RCC2: variants seen among roughly 807,000 people sequenced by gnomAD.
The protein encoded by RCC2 is regulator of chromosome condensation 2.
Under a neutral mutation model 64.1 loss-of-function variants are expected in RCC2, and 19 were observed. That is an observed-to-expected ratio of 0.30 (90% CI 0.21 to 0.44). The LOEUF (loss-of-function observed/expected upper bound fraction) is 0.44, where lower values mean the gene tolerates loss of function less well. Ranked by LOEUF, RCC2 falls within the 20% of genes least tolerant of loss-of-function variation. RCC2 has a pLI of 1.00. For missense variants in RCC2, 508 were observed against 710.4 expected (o/e 0.72, Z 3.24); for synonymous variants, 325 against 279.6 (o/e 1.16, Z -1.62).
At chr1:17,437,934 C>T (rs1054780556) in intron 2 of RCC2, among the ~76,000 whole-genome samples, 37 of 145,406 alleles carry the variant, frequency 2.5e-4, no homozygotes, top group African/African-American at 8.9e-4. Flanking sequence ...GGGGCCATGA[C>T]CCCCTCGTGC....
rs1216919580 is a variant in RCC2, at chr1:17,438,341, C to T, written c.174G>A (p.Glu58=). The T allele has an allele frequency of 1.6e-6, 2 of 1,246,090 alleles. No homozygotes were observed. The allele number at this position is 1,246,090 out of a possible 1,614,324, so 77.2% of individuals were successfully genotyped here. ...TGCCCCCGCCGGGGGCCCCGTCGAG[C>T]TCCAGGCCGTCCTCGTCGCCGCTGC... is the stretch of plus-strand genomic sequence containing the variant. ...GGSSGDEDGL[E]LDGAPGGGKR... Residue 58 remains glutamate, a synonymous_variant, in exon 2 of 13, where the codon GAG becomes GAA. Transcript: ENST00000375436.
Position 17,438,242 on chromosome 1 carries a change from G to GGT in RCC2, c.271_272dup (p.Lys92ProfsTer17). The GGT allele has an allele frequency of 7.6e-7, 1 of 1,322,422 alleles. No individual in the cohort carries two copies. Among genetic ancestry groups the GGT allele is most frequent in the Non-Finnish European group, 9.8e-7 (1 of 1,017,546 alleles). The allele number at this position is 1,322,422 out of a possible 1,614,324, so 81.9% of individuals were successfully genotyped here. A position where few individuals can be genotyped will look rare whatever the true frequency, so the allele number is the denominator to read the frequency against. ...GACCCTCACTCACGACGCGCTCCTT[G>GGT]GTGTGCTCGGGTTCGGTGATGACCA... On this transcript the variant is annotated frameshift_variant, in exon 2 of 13. Coordinates refer to ENST00000375436, the MANE Select transcript of RCC2 (RefSeq NM_018715.4). LOFTEE classifies it high-confidence loss of function.
In RCC2 at chr1:17,433,571, G is replaced by A. The variant is rs528722884; in HGVS notation, c.286-4372C>T. On this transcript the variant is annotated intron_variant, in intron 2 of 12. Coordinates refer to ENST00000375436, the MANE Select transcript of RCC2 (RefSeq NM_018715.4). ...GACCCTGCTTGTGTATAAAGGCCAC[G>A]CAGCAGACAGCCTGGCAAACAGTCT... Among the ~76,000 whole-genome samples, 9 of 152,292 alleles carry A rather than the reference G, an allele frequency of 5.9e-5. No homozygotes were observed. In the South Asian group the frequency reaches 1.0e-3, roughly 18 times the overall value.
chr1:17,414,463 G>A (rs2075458969), intron 8 of RCC2, among the ~76,000 whole-genome samples: 1 of 150,180 alleles, frequency 6.7e-6, no homozygotes, highest in Non-Finnish European at 1.5e-5. Context: ...CTGGGAGGCG[G>A]AGGCTGCAGT....
chr1:17,435,273 C>G (rs2100397619), intron 2 of RCC2, among the ~76,000 whole-genome samples: 1 of 152,322 alleles, frequency 6.6e-6, no homozygotes, highest in East Asian at 1.9e-4. Context: ...TGCCCCTCAA[C>G]AATGTAAGTA....
At position 17,407,893 on chromosome 1, in the gene RCC2, C is replaced by G. The variant is rs139637787; in HGVS notation, c.*1197G>C. ...GCCACAGCTGTCGCCTCTCTTGGGTCCAGGCGAGAGGAGGGTTCCGGGAAA... is the reference window on the plus strand; with the variant it reads ...GCCACAGCTGTCGCCTCTCTTGGGTGCAGGCGAGAGGAGGGTTCCGGGAAA... On this transcript the variant is annotated 3_prime_UTR_variant, in exon 13 of 13. Coordinates refer to ENST00000375436, the MANE Select transcript of RCC2 (RefSeq NM_018715.4). 10 of 152,790 alleles carry G rather than the reference C, an allele frequency of 6.5e-5. No homozygotes were observed. Among genetic ancestry groups the G allele is most frequent in the African/African-American group, 2.4e-4 (10 of 41,564 alleles). 9.5% of individuals were successfully genotyped at this position (152,790 alleles called of 1,614,324 possible). A position where few individuals can be genotyped will look rare whatever the true frequency, so the allele number is the denominator to read the frequency against.
chr1:17,409,913 A>C, intron 12 of RCC2, 61 bp downstream of exon 12: 1 of 1,375,534 alleles, frequency 7.3e-7, no homozygotes, highest in Non-Finnish European at 1.0e-6. Context: ...CAAAATCATG[A>C]GGAGTGACAT....
At chr1:17,439,507 A>C (rs1570221321) in intron 1 of RCC2, 38 bp downstream of exon 1, 1 of 143,968 alleles carries the variant, frequency 6.9e-6, no homozygotes, top group Admixed American at 6.9e-5. Flanking sequence ...ACTTTCCCAG[A>C]CCCCACAAAC....
At chr1:17,429,227 A>G (rs1401131690) in intron 2 of RCC2, 28 bp from the exon 3 acceptor site, 1 of 1,573,748 alleles carries the variant, frequency 6.4e-7, no homozygotes, top group Non-Finnish European at 8.7e-7. Context: ...GGAAAAAAGA[A>G]TTAGTGTGTA....
At position 17,430,693 on chromosome 1, in the gene RCC2, T is replaced by C. The variant is rs528786727; in HGVS notation, c.286-1494A>G. Reference sequence around the variant, plus strand: ...GTCCCAGCTACTCCAGAGGCTGAGGTAGAAGAATCCCTTGAACCCGGGAGG... The same window carrying C: ...GTCCCAGCTACTCCAGAGGCTGAGGCAGAAGAATCCCTTGAACCCGGGAGG... On this transcript the variant is annotated intron_variant, in intron 2 of 12. Transcript: ENST00000375436. Among the ~76,000 whole-genome samples the C allele has an allele frequency of 7.7e-4, 117 of 151,848 alleles. 1 individual carries two copies. The highest frequency in any genetic ancestry group is 2.7e-3 in the African/African-American group (113 of 41,488).
rs910369175 is a variant in RCC2, at chr1:17,434,513, T to G, written c.285+3717A>C. 2.0e-5 allele frequency among the ~76,000 whole-genome samples: 3 copies of G among 152,268 alleles called. No homozygotes were observed. The East Asian group carries it at 5.8e-4, about 29-fold the overall frequency. On this transcript the variant is annotated intron_variant, in intron 2 of 12. Transcript: ENST00000375436. ...TTATCCATAGCCTTTGTAATATCCT[T>G]TATAATAAACTGGTGTTTCCCTGAG...
chr1:17,412,184 T>C lies in RCC2; in HGVS notation c.1324A>G (p.Ile442Val), dbSNP rs1455152415. 6.2e-7 allele frequency: 1 copy of C among 1,614,126 alleles called. No individual in the cohort carries two copies. The highest frequency in any genetic ancestry group is 1.7e-5 in the Admixed American group (1 of 60,006). ...IRSLACGKSS[I>V]IVAADESTIS... ...GTGCTCTCATCGGCGGCCACAATGA[T>C]GCTGCTCTTCCTGCAAACAGGCAGG... The change falls in exon 11 of 13, where the codon ATC becomes GTC. Residue 442 changes from isoleucine (I) to valine (V), a missense_variant. Ile to Val is a conservative substitution (Grantham distance 29, BLOSUM62 3). Coordinates refer to ENST00000375436, the MANE Select transcript of RCC2 (RefSeq NM_018715.4).
At chr1:17,415,908 A>C (rs1010624332) in intron 8 of RCC2, among the ~76,000 whole-genome samples, 2 of 151,478 alleles carry the variant, frequency 1.3e-5, no homozygotes, top group African/African-American at 2.4e-5. Flanking sequence ...GTCTCTACTG[A>C]AAATACAAAA....
Position 17,420,701 on chromosome 1 carries a change from T to C in RCC2, c.859+13A>G. On this transcript the variant is annotated intron_variant, in intron 7 of 12. Transcript: ENST00000375436. ...GTTAGATTACAGAGCTTTTAAAAAATGTACTTCCATACCCAGCTGACCATA... is the reference window on the plus strand; with the variant it reads ...GTTAGATTACAGAGCTTTTAAAAAACGTACTTCCATACCCAGCTGACCATA... The C allele has an allele frequency of 6.5e-7, 1 of 1,537,296 alleles. No homozygotes were observed. The highest frequency in any genetic ancestry group is 8.9e-7 in the Non-Finnish European group (1 of 1,129,056).
At chr1:17,438,595 G>T in intron 1 of RCC2, 73 bp from the exon 2 acceptor site, 2 of 1,244,320 alleles carry the variant, frequency 1.6e-6, no homozygotes, top group South Asian at 3.4e-5. Context: ...GAGCGGAGAC[G>T]AGCCACCCGG....
intron 7 of RCC2, among the ~76,000 whole-genome samples, chr1:17,419,966 C>G (rs1003824124): frequency 4.6e-5 from 7 of 152,150 alleles, no homozygotes; most frequent in African/African-American, 1.4e-4. Flanking sequence ...GCGGGCTCGG[C>G]GCTATTTTTA....
At chr1:17,419,638 G>GCA (rs951301947) in intron 7 of RCC2, among the ~76,000 whole-genome samples, 2 of 152,200 alleles carry the variant, frequency 1.3e-5, no homozygotes, top group African/African-American at 4.8e-5. Context: ...ATGGTGCCTG[G>GCA]CACACACAGT....
At chr1:17,412,383 C>T (rs1348967657) in intron 10 of RCC2, among the ~76,000 whole-genome samples, 189 bp from the exon 11 acceptor site, 4 of 152,248 alleles carry the variant, frequency 2.6e-5, no homozygotes, top group Non-Finnish European at 5.9e-5. Flanking sequence ...CCACTCAACG[C>T]TTCAACAAAA....
At chr1:17,429,249 A>G (rs1283618114) in intron 2 of RCC2, 50 bp from the exon 3 acceptor site, 3 of 1,438,846 alleles carry the variant, frequency 2.1e-6, no homozygotes, top group Non-Finnish European at 9.8e-7. Flanking sequence ...GTCTGCACCT[A>G]GCTTTCCAAG....
Sources: gnomAD v4.1 joint callset for allele counts (sites outside exome capture counted in the v4.1 genomes callset) on GRCh38, gnomAD v4.1.1 for gene constraint, MANE v1.5 for transcripts, NCBI Gene and HGNC (gene_info 2026-07-23, HGNC 2026-07-21) for gene names.